Variants in LRP5 observed in about 807,000 individuals in gnomAD.
LRP5 encodes LDL receptor related protein 5.
Under a neutral mutation model 154.1 loss-of-function variants are expected in LRP5, and 62 were observed. That is an observed-to-expected ratio of 0.40 (90% CI 0.33 to 0.50). The LOEUF (loss-of-function observed/expected upper bound fraction) is 0.50, where lower values mean the gene tolerates loss of function less well. Ranked by LOEUF, LRP5 falls within the 20% of genes least tolerant of loss-of-function variation. The pLI is 0.55. For missense variants in LRP5, 1,915 were observed against 2,336.7 expected (o/e 0.82, Z 3.72); for synonymous variants, 966 against 1,011.5 (o/e 0.96, Z 0.85).
At chr11:68,350,916 A>G (rs915145635) in intron 2 of LRP5, among the ~76,000 whole-genome samples, 1 of 151,948 alleles carries the variant, frequency 6.6e-6, no homozygotes, top group Non-Finnish European at 1.5e-5. Context: ...GTGCGTGTGC[A>G]CGCATATGCG....
intron 18 of LRP5, among the ~76,000 whole-genome samples, chr11:68,434,826 C>T (rs965754511): frequency 6.6e-6 from 1 of 152,196 alleles, no homozygotes; most frequent in Non-Finnish European, 1.5e-5. Context: ...GCAGTCTGGC[C>T]ACTGTCCTAC....
At chr11:68,326,342 C>T (rs1255905512) in intron 1 of LRP5, among the ~76,000 whole-genome samples, 3 of 152,234 alleles carry the variant, frequency 2.0e-5, no homozygotes, top group East Asian at 1.9e-4. Context: ...CTGCCATCTG[C>T]GTCTGGGCTG....
At chr11:68,396,267 C>T (rs747360735) in intron 7 of LRP5, among the ~76,000 whole-genome samples, 19 of 152,086 alleles carry the variant, frequency 1.2e-4, no homozygotes, top group South Asian at 2.1e-4. Flanking sequence ...GATGCTATGT[C>T]GGGAGGCAAC....
At chr11:68,340,163 C>G (rs1368508743) in intron 1 of LRP5, among the ~76,000 whole-genome samples, 1 of 152,132 alleles carries the variant, frequency 6.6e-6, no homozygotes, top group East Asian at 1.9e-4. Context: ...TCGCTTGAAA[C>G]TGGGAGGCCG....
chr11:68,384,941 G>C (rs2098642194), intron 5 of LRP5, among the ~76,000 whole-genome samples: 1 of 152,198 alleles, frequency 6.6e-6, no homozygotes, highest in Non-Finnish European at 1.5e-5. Flanking sequence ...CTGTTGCTCA[G>C]ATGCTCTCAG....
At chr11:68,339,636 A>G (rs558553088) in intron 1 of LRP5, among the ~76,000 whole-genome samples, 102 of 152,194 alleles carry the variant, frequency 6.7e-4, no homozygotes, top group African/African-American at 9.6e-4. Flanking sequence ...GTGAGCCACC[A>G]TACCTGGCCA....
At chr11:68,365,807 G>A (rs1220721454) in intron 5 of LRP5, 105 bp downstream of exon 5, 13 of 1,175,522 alleles carry the variant, frequency 1.1e-5, no homozygotes, top group South Asian at 6.1e-5. Flanking sequence ...AAACCCGTTC[G>A]AAATGATCCA....
Position 68,432,541 on chromosome 11 carries a change from G to A in LRP5, c.3764-1061G>A, listed in dbSNP as rs1044295227. The stretch of plus-strand genomic sequence containing the variant: ...AGCCCAGTAGTCATGGGGAAGGCCT[G>A]CGGGTTCCAAACATCCAAAGGCTTG... On this transcript the variant is annotated intron_variant, in intron 17 of 22. Transcript: ENST00000294304. 5.9e-5 allele frequency among the ~76,000 whole-genome samples: 9 copies of A among 152,378 alleles called. No homozygotes were observed. The East Asian group carries it at 1.7e-3, about 29-fold the overall frequency.
At position 68,433,624 on chromosome 11, in the gene LRP5, C is replaced by G; in HGVS notation, c.3786C>G (p.Asp1262Glu). 6.2e-7 allele frequency: 1 copy of G among 1,613,530 alleles called. No individual in the cohort carries two copies. The highest frequency in any genetic ancestry group is 1.1e-5 in the South Asian group (1 of 91,088). ...TCGEPPTCSP[D>E]QFACATGEID... ...CAGAGCCGCCCACCTGCTCCCCGGACCAGTTTGCATGTGCCACAGGGGAGA... is the reference window on the plus strand; with the variant it reads ...CAGAGCCGCCCACCTGCTCCCCGGAGCAGTTTGCATGTGCCACAGGGGAGA... The change falls in exon 18 of 23, where the codon GAC becomes GAG. Residue 1262 changes from aspartate to glutamate, a missense_variant. Transcript: ENST00000294304.
chr11:68,379,457 C>T (rs547039394), intron 5 of LRP5, among the ~76,000 whole-genome samples: 2 of 152,268 alleles, frequency 1.3e-5, no homozygotes, highest in Admixed American at 6.5e-5. Flanking sequence ...CGGTGCTTTA[C>T]GGCCCTTCCA....
At chr11:68,409,181 ATAAAATTTATAAATTATATTTATAAG>A (rs2098657844) in intron 9 of LRP5, among the ~76,000 whole-genome samples, 1 of 134,240 alleles carries the variant, frequency 7.4e-6, no homozygotes, top group Non-Finnish European at 1.6e-5. Flanking sequence ...ATATTTATAA[ATAAAATTTATAAATTATATTTATAAG>A]TAAATATATA....
chr11:68,402,387 C>T (rs571121144), intron 7 of LRP5, among the ~76,000 whole-genome samples: 1 of 152,322 alleles, frequency 6.6e-6, no homozygotes, highest in East Asian at 1.9e-4. Context: ...AGCATTGACT[C>T]TTCAAGAAAA....
intron 1 of LRP5, among the ~76,000 whole-genome samples, chr11:68,347,007 G>T (rs1021311631): frequency 2.0e-5 from 3 of 152,214 alleles, no homozygotes; most frequent in African/African-American, 7.2e-5. Context: ...CAGGCAGAAG[G>T]GGCTGAGGGC....
rs747362665 is a variant in LRP5 at position 68,365,741 on chromosome 11, G to A, written c.1015+39G>A. The A allele has an allele frequency of 1.3e-5, 18 of 1,427,522 alleles. No homozygotes were observed. In the African/African-American group the frequency reaches 1.3e-4, roughly 10 times the overall value. 88.4% of individuals were successfully genotyped at this position (1,427,522 alleles called of 1,614,324 possible). A position where few individuals can be genotyped will look rare whatever the true frequency, so the allele number is the denominator to read the frequency against. On this transcript the variant is annotated intron_variant, in intron 5 of 22. Coordinates refer to ENST00000294304, the MANE Select transcript of LRP5 (RefSeq NM_002335.4). ...ACGGGACGGGGCGGGCGGGCGGGGC[G>A]GGGCCTGGCGGGAATGGGTTGCGGC...
Position 68,447,320 on chromosome 11 carries a change from A to G in LRP5, c.4586+787A>G, listed in dbSNP as rs989304159. 1.3e-5 allele frequency among the ~76,000 whole-genome samples: 2 copies of G among 152,038 alleles called. No individual in the cohort carries two copies. The highest frequency in any genetic ancestry group is 2.1e-4 in the South Asian group (1 of 4,830). ...GGATAGGCTGGGCCTGGGCCAGGAC[A>G]CCTCTGGACCACGCATTCCTCATTG... On this transcript the variant is annotated intron_variant, in intron 22 of 22. Transcript: ENST00000294304. This position sits in a 1 kb window ranked among gnomAD's most constrained non-coding sequence, Gnocchi z 4.3.
chr11:68,365,826 G>T, intron 5 of LRP5, 124 bp downstream of exon 5: 1 of 1,013,684 alleles, frequency 9.9e-7, no homozygotes, highest in South Asian at 1.6e-5. Flanking sequence ...CACTTGGCGG[G>T]TGTGGTGATT....
At chr11:68,445,094 T>A (rs2098680689) in intron 21 of LRP5, among the ~76,000 whole-genome samples, 1 of 152,144 alleles carries the variant, frequency 6.6e-6, no homozygotes, top group Non-Finnish European at 1.5e-5. Flanking sequence ...TTTATTATTT[T>A]ATTTAATTTT....
At chr11:68,309,906 G>C (rs1410823886), upstream of LRP5, among the ~76,000 whole-genome samples, 2 of 152,188 alleles carry the variant, frequency 1.3e-5, no homozygotes, top group Non-Finnish European at 2.9e-5. Flanking sequence ...TCAGCAGCCA[G>C]AGTGCCTTCT....
intron 6 of LRP5, 23 bp from the exon 7 acceptor site, chr11:68,389,858 A>C: frequency 1.2e-6 from 2 of 1,614,174 alleles, no homozygotes; most frequent in Non-Finnish European, 1.7e-6. Flanking sequence ...TCATGGGGTC[A>C]TGGACTTCTG....
Sources: gnomAD v4.1 joint callset for allele counts (sites outside exome capture counted in the v4.1 genomes callset) on GRCh38, gnomAD v4.1.1 for gene constraint, Gnocchi (gnomAD v3.1) non-coding constraint, MANE v1.5 for transcripts, NCBI Gene and HGNC (gene_info 2026-07-23, HGNC 2026-07-21) for gene names.